Variants in NFE2L3 observed in about 807,000 individuals in gnomAD.
The protein encoded by NFE2L3 is NFE2 like bZIP transcription factor 3.
Under a neutral mutation model 23.5 loss-of-function variants are expected in NFE2L3, and 18 were observed. That is an observed-to-expected ratio of 0.77 (90% CI 0.53 to 1.13). The LOEUF is 1.13. NFE2L3 is among the 50% of genes most tolerant of loss of function. NFE2L3 has a pLI of 0.00. For missense variants in NFE2L3, 1,152 were observed against 877.2 expected (o/e 1.31, Z -3.96); for synonymous variants, 424 against 354.5 (o/e 1.20, Z -2.20).
chr7:26,182,199 A>AAGTTTCATTATAAATAACACTG (rs1259954389), intron 2 of NFE2L3, among the ~76,000 whole-genome samples: 1 of 152,224 alleles, frequency 6.6e-6, no homozygotes, highest in Non-Finnish European at 1.5e-5. Flanking sequence ...TGAGATAGAA[A>AAGTTTCATTATAAATAACACTG]AGTTTCATTA....
At chr7:26,171,353 G>A in intron 1 of NFE2L3, among the ~76,000 whole-genome samples, 1 of 152,114 alleles carries the variant, frequency 6.6e-6, no homozygotes, top group East Asian at 1.9e-4. Flanking sequence ...AGACCAACTT[G>A]TTCAACATGG....
intron 1 of NFE2L3, among the ~76,000 whole-genome samples, chr7:26,166,895 G>A (rs1027653286): frequency 2.0e-5 from 3 of 152,168 alleles, no homozygotes; most frequent in Non-Finnish European, 2.9e-5. Flanking sequence ...CAACCCTAGA[G>A]GTAAAAGCAG....
rs1035591513 is a variant in NFE2L3, at chr7:26,155,243, G to A, written c.570+2175G>A. On this transcript the variant is annotated intron_variant, in intron 1 of 3. Transcript: ENST00000056233. ...AGATCACTTGAGGTCAGGAGTTCGA[G>A]ACCAGACTGGGCAACATGGTGAACC... is the stretch of plus-strand genomic sequence containing the variant. 2.0e-5 allele frequency among the ~76,000 whole-genome samples: 3 copies of A among 152,218 alleles called. No individual in the cohort carries two copies. In the East Asian group the frequency reaches 5.8e-4, roughly 29 times the overall value.
chr7:26,181,779 AAAAAAG>A (rs1784516350), intron 2 of NFE2L3, among the ~76,000 whole-genome samples: 1 of 152,190 alleles, frequency 6.6e-6, no homozygotes, highest in African/African-American at 2.4e-5. Context: ...GACTATCATG[AAAAAAG>A]AAAAAGATCT....
intron 1 of NFE2L3, among the ~76,000 whole-genome samples, chr7:26,168,581 A>T (rs1212813069): frequency 6.7e-6 from 1 of 149,490 alleles, no homozygotes; most frequent in Non-Finnish European, 1.5e-5. Flanking sequence ...GAGAGATTAT[A>T]GATATATTTC....
intron 1 of NFE2L3, among the ~76,000 whole-genome samples, chr7:26,169,532 A>G (rs1237715323): frequency 1.3e-5 from 2 of 152,206 alleles, no homozygotes; most frequent in Admixed American, 6.5e-5. Flanking sequence ...GCCCACAGGT[A>G]TGTGGGAATA....
intron 1 of NFE2L3, among the ~76,000 whole-genome samples, chr7:26,162,794 C>G (rs1440071603): frequency 2.6e-5 from 4 of 151,720 alleles, no homozygotes; most frequent in Non-Finnish European, 5.9e-5. Flanking sequence ...CTCACTGCAG[C>G]CTTGACCTCC....
intron 2 of NFE2L3, among the ~76,000 whole-genome samples, chr7:26,183,355 T>C (rs139044215): frequency 0.049 from 7,415 of 152,068 alleles, 556 homozygotes; most frequent in East Asian, 0.36. Flanking sequence ...CGAGACCAAC[T>C]TGGCCAACAT....
In NFE2L3 at chr7:26,186,354, T is replaced by G. The variant is rs767016921; in HGVS notation, c.*571T>G. ...TTTACCTTACTTTCCTTCCAAAATATCCACATTCAGGAATATAGGTGAATA... is the reference window on the plus strand; with the variant it reads ...TTTACCTTACTTTCCTTCCAAAATAGCCACATTCAGGAATATAGGTGAATA... On this transcript the variant is annotated 3_prime_UTR_variant, in exon 4 of 4. Transcript: ENST00000056233. 8 of 152,184 alleles carry G rather than the reference T, an allele frequency of 5.3e-5. No individual in the cohort carries two copies. The highest frequency in any genetic ancestry group is 1.2e-4 in the Non-Finnish European group (8 of 68,048). The allele number at this position is 152,184 out of a possible 1,614,324, so 9.4% of individuals were successfully genotyped here. A position where few individuals can be genotyped will look rare whatever the true frequency, so the allele number is the denominator to read the frequency against.
chr7:26,176,297 T>TTTTCCCCACA (rs1784404095), intron 1 of NFE2L3, among the ~76,000 whole-genome samples: 1 of 152,140 alleles, frequency 6.6e-6, no homozygotes, highest in Non-Finnish European at 1.5e-5. Context: ...TCTCTCGTTC[T>TTTTCCCCACA]TTTCCCCACA....
Position 26,184,855 on chromosome 7 carries a change from T to A in NFE2L3, c.1157T>A (p.Ile386Lys), listed in dbSNP as rs1225060684. The change falls in exon 4 of 4, where the codon ATA becomes AAA. Residue 386 changes from isoleucine to lysine, a missense_variant. Physicochemically the swap from Ile to Lys is moderately radical, Grantham distance 102 (BLOSUM62 -3). Coordinates refer to ENST00000056233, the MANE Select transcript of NFE2L3 (RefSeq NM_004289.7). ...TSQDLLYDLD[I>K]NIFDEINLMS... Reference sequence around the variant, plus strand: ...CAAGACCTACTGTATGACCTTGACATAAATATATTTGATGAGATAAACTTA... The same window carrying A: ...CAAGACCTACTGTATGACCTTGACAAAAATATATTTGATGAGATAAACTTA... 1.9e-6 allele frequency: 3 copies of A among 1,613,836 alleles called. No individual in the cohort carries two copies. The highest frequency in any genetic ancestry group is 2.5e-6 in the Non-Finnish European group (3 of 1,179,862).
chr7:26,153,616 C>G (rs1282352686), intron 1 of NFE2L3, among the ~76,000 whole-genome samples: 19 of 152,204 alleles, frequency 1.2e-4, no homozygotes, highest in Admixed American at 1.2e-3. Context: ...CAGGCGGTCC[C>G]CCTGTGACCT....
chr7:26,175,361 T>C (rs1299508460), intron 1 of NFE2L3, among the ~76,000 whole-genome samples: 4 of 150,576 alleles, frequency 2.7e-5, no homozygotes, highest in African/African-American at 9.8e-5. Flanking sequence ...CTCAAAAAAA[T>C]AAATAAATAA....
At chr7:26,181,250 T>G (rs1343893864) in intron 2 of NFE2L3, among the ~76,000 whole-genome samples, 1 of 152,190 alleles carries the variant, frequency 6.6e-6, no homozygotes, top group Non-Finnish European at 1.5e-5. Flanking sequence ...GTGCTGGGAT[T>G]ACAGGTGTGA....
At chr7:26,167,957 C>T (rs1384027361) in intron 1 of NFE2L3, among the ~76,000 whole-genome samples, 2 of 151,682 alleles carry the variant, frequency 1.3e-5, no homozygotes, top group Non-Finnish European at 2.9e-5. Context: ...TTTTTTATTT[C>T]CAAACAGGTG....
chr7:26,169,827 G>A (rs1784310109), intron 1 of NFE2L3, among the ~76,000 whole-genome samples: 1 of 152,198 alleles, frequency 6.6e-6, no homozygotes, highest in Non-Finnish European at 1.5e-5. Flanking sequence ...GCCGGGCGCG[G>A]TGGCTCACGC....
At chr7:26,162,960 C>A (rs574644632) in intron 1 of NFE2L3, among the ~76,000 whole-genome samples, 3 of 152,106 alleles carry the variant, frequency 2.0e-5, no homozygotes, top group Non-Finnish European at 4.4e-5. Context: ...GATCCACCTG[C>A]CTTGGCCTCC....
chr7:26,163,344 G>T (rs1385524744), intron 1 of NFE2L3, among the ~76,000 whole-genome samples: 1 of 152,072 alleles, frequency 6.6e-6, no homozygotes, highest in African/African-American at 2.4e-5. Context: ...AAATTCCCAA[G>T]GATTCTTTTT....
chr7:26,157,867 G>A (rs972178589), intron 1 of NFE2L3, among the ~76,000 whole-genome samples: 1 of 152,176 alleles, frequency 6.6e-6, no homozygotes, highest in East Asian at 1.9e-4. Flanking sequence ...CCTTCTGCGG[G>A]CTGTGAGGGA....
Sources: allele counts gnomAD v4.1 joint callset (sites outside exome capture counted in the v4.1 genomes callset), GRCh38; gene constraint gnomAD v4.1.1; transcripts MANE v1.5; gene names NCBI Gene and HGNC (gene_info 2026-07-23, HGNC 2026-07-21).